The following ALDH1L2 variants were observed in gnomAD, a reference collection of about 807,000 sequenced individuals.
The protein encoded by ALDH1L2 is mitochondrial 10-formyltetrahydrofolate dehydrogenase.
A neutral mutation model predicts 111.0 loss-of-function variants in ALDH1L2; 91 were observed. That is an observed-to-expected ratio of 0.82 (90% CI 0.69 to 0.98). The LOEUF is 0.98. Among genes scored for constraint, ALDH1L2 ranks in the 50% least tolerant of loss-of-function variants. The probability of loss-of-function intolerance (pLI) is 0.00; values close to 1 mark genes in which losing one functional copy is unlikely to be tolerated. For missense variants in ALDH1L2, 995 were observed against 1,126.8 expected (o/e 0.88, Z 1.67); for synonymous variants, 374 against 392.6 (o/e 0.95, Z 0.56).
At chr12:105,067,215 CAA>C (rs11334156) in intron 4 of ALDH1L2, among the ~76,000 whole-genome samples, 7,526 of 97,570 alleles carry the variant, frequency 0.077, 236 homozygotes, top group South Asian at 0.1. Flanking sequence ...GACTCTGTCT[CAA>C]AAAAAAAAAA....
chr12:105,049,762 G>T, intron 13 of ALDH1L2, 146 bp downstream of exon 13: 2 of 879,922 alleles, frequency 2.3e-6, no homozygotes, highest in African/African-American at 1.7e-5. Flanking sequence ...CAGGTATTCT[G>T]TTACAGCAGC....
At chr12:105,030,592 T>A (rs1224446996) in intron 20 of ALDH1L2, among the ~76,000 whole-genome samples, 163 bp from the exon 21 acceptor site, 2 of 152,236 alleles carry the variant, frequency 1.3e-5, no homozygotes, top group Admixed American at 6.5e-5. Flanking sequence ...CAGGTTCTTA[T>A]TTTTTAATGT....
intron 11 of ALDH1L2, 67 bp downstream of exon 11, chr12:105,052,745 T>C (rs1876365692): frequency 1.3e-6 from 2 of 1,592,986 alleles, no homozygotes; most frequent in Non-Finnish European, 1.7e-6. Context: ...GACTGCCTCT[T>C]TTACAATGGT....
At chr12:105,057,058 T>C (rs1227057253) in intron 10 of ALDH1L2, among the ~76,000 whole-genome samples, 1 of 150,928 alleles carries the variant, frequency 6.6e-6, no homozygotes, top group African/African-American at 2.4e-5. Context: ...CGCTTAAGAC[T>C]CAGCAATAAA....
chr12:105,052,168 A>G lies in ALDH1L2; in HGVS notation c.1457T>C (p.Val486Ala). The change falls in exon 12 of 23, where the codon GTA becomes GCA. Residue 486 changes from valine (V) to alanine (A), a missense_variant. By Grantham distance (64) the Val-to-Ala change is moderately conservative. Coordinates refer to ENST00000258494, the MANE Select transcript of ALDH1L2 (RefSeq NM_001034173.4). Reference protein sequence around the residue: ...YASLADVDKAVAAAKDAFENG... With the variant: ...YASLADVDKAAAAAKDAFENG... ...TTCAAAAGCATCTTTTGCTGCTGCT[A>G]CTGCTTTATCAACATCCGCCAAAGA... The G allele has an allele frequency of 6.2e-7, 1 of 1,611,920 alleles. No homozygotes were observed. The highest frequency in any genetic ancestry group is 8.5e-7 in the Non-Finnish European group (1 of 1,178,816).
intron 6 of ALDH1L2, among the ~76,000 whole-genome samples, chr12:105,063,242 A>G (rs904837634): frequency 3.3e-5 from 5 of 152,174 alleles, no homozygotes; most frequent in Non-Finnish European, 7.4e-5. Flanking sequence ...TTTGGGAGGC[A>G]GAGGCAGGCA....
intron 1 of ALDH1L2, 121 bp downstream of exon 1, chr12:105,084,268 G>T: frequency 1.8e-6 from 2 of 1,132,598 alleles, no homozygotes; most frequent in Non-Finnish European, 2.4e-6. Flanking sequence ...CGCTGTCTTG[G>T]TGTTTAGCAA....
Position 105,065,325 on chromosome 12 carries a change from T to C in ALDH1L2, c.728A>G (p.His243Arg), listed in dbSNP as rs1877285109. 1.9e-6 allele frequency: 3 copies of C among 1,611,358 alleles called. No individual in the cohort carries two copies. The highest frequency in any genetic ancestry group is 2.5e-6 in the Non-Finnish European group (3 of 1,178,110). Residue 243 changes from histidine to arginine, a missense_variant, in exon 6 of 23, where the codon CAT becomes CGT. Transcript: ENST00000258494. Reference sequence around the variant, plus strand: ...TTTATCATGACCTCGAATCCAGTTATGTAAAACTTCGGCAGACTGGTCCCA... The same window carrying C: ...TTTATCATGACCTCGAATCCAGTTACGTAAAACTTCGGCAGACTGGTCCCA... Reference protein sequence around the residue: ...ISWDQSAEVLHNWIRGHDKVP... With the variant: ...ISWDQSAEVLRNWIRGHDKVP...
chr12:105,083,298 C>T (rs374710303), intron 1 of ALDH1L2, among the ~76,000 whole-genome samples: 1 of 152,094 alleles, frequency 6.6e-6, no homozygotes, highest in Non-Finnish European at 1.5e-5. Flanking sequence ...GGAGAGCAGG[C>T]CAAAGTCCTA....
intron 7 of ALDH1L2, 121 bp from the exon 8 acceptor site, chr12:105,061,873 A>T (rs6539183): frequency 8.4e-7 from 1 of 1,187,126 alleles, no homozygotes; most frequent in Non-Finnish European, 1.2e-6. Context: ...GGAAAAATAC[A>T]GATTAAAAGC....
intron 2 of ALDH1L2, among the ~76,000 whole-genome samples, chr12:105,072,171 TG>T (rs1411377241): frequency 6.1e-5 from 9 of 147,972 alleles, no homozygotes; most frequent in African/African-American, 1.7e-4. Flanking sequence ...ATAGAAATTA[TG>T]ATATCTATTA....
At chr12:105,063,240 G>A (rs1485168702) in intron 6 of ALDH1L2, among the ~76,000 whole-genome samples, 1 of 152,192 alleles carries the variant, frequency 6.6e-6, no homozygotes, top group East Asian at 1.9e-4. Context: ...ACTTTGGGAG[G>A]CAGAGGCAGG....
In ALDH1L2 at chr12:105,019,953, G is replaced by C. The variant is rs547630723; in HGVS notation, c.*4471C>G. 2.6e-5 allele frequency: 4 copies of C among 152,250 alleles called. No individual in the cohort carries two copies. The highest frequency in any genetic ancestry group is 9.6e-5 in the African/African-American group (4 of 41,552). 9.4% of individuals were successfully genotyped at this position (152,250 alleles called of 1,614,324 possible). Reference sequence around the variant, plus strand: ...CAGATATCATCTGTAGGCTATTTCTGTTTGAAAATAACCAAATAGATTTTT... The same window carrying C: ...CAGATATCATCTGTAGGCTATTTCTCTTTGAAAATAACCAAATAGATTTTT... On this transcript the variant is annotated 3_prime_UTR_variant, in exon 23 of 23. Coordinates refer to ENST00000258494, the MANE Select transcript of ALDH1L2 (RefSeq NM_001034173.4).
chr12:105,051,364 C>G (rs566474664), intron 12 of ALDH1L2, among the ~76,000 whole-genome samples: 1 of 152,176 alleles, frequency 6.6e-6, no homozygotes, highest in Non-Finnish European at 1.5e-5. Flanking sequence ...CCCTGGCTCC[C>G]TCGCTGATAG....
intron 6 of ALDH1L2, among the ~76,000 whole-genome samples, chr12:105,063,684 G>A (rs371338241): frequency 6.6e-6 from 1 of 152,020 alleles, no homozygotes; most frequent in Admixed American, 6.5e-5. Flanking sequence ...GGAGGTGTTG[G>A]GGGTGGGCGT....
intron 3 of ALDH1L2, among the ~76,000 whole-genome samples, chr12:105,070,321 T>C (rs1877605269): frequency 6.6e-6 from 1 of 152,158 alleles, no homozygotes; most frequent in African/African-American, 2.4e-5. Flanking sequence ...ACCTCACAAC[T>C]GTTCAAGCAT....
intron 1 of ALDH1L2, among the ~76,000 whole-genome samples, chr12:105,083,527 G>A (rs182216838): frequency 2.0e-5 from 3 of 152,160 alleles, no homozygotes; most frequent in Non-Finnish European, 1.5e-5. Context: ...ATATACATAT[G>A]TACATATGGC....
chr12:105,047,070 C>T, intron 13 of ALDH1L2, 101 bp from the exon 14 acceptor site: 1 of 1,333,128 alleles, frequency 7.5e-7, no homozygotes, highest in Non-Finnish European at 1.1e-6. Flanking sequence ...TTTTTGTTAG[C>T]TGATATGAAA....
At chr12:105,078,188 A>T (rs1878163496) in intron 1 of ALDH1L2, among the ~76,000 whole-genome samples, 1 of 152,218 alleles carries the variant, frequency 6.6e-6, no homozygotes, top group African/African-American at 2.4e-5. Flanking sequence ...CAGAAGGCAC[A>T]ACTTCTAACT....
Sources: gnomAD v4.1 joint callset for allele counts (sites outside exome capture counted in the v4.1 genomes callset) on GRCh38, gnomAD v4.1.1 for gene constraint, MANE v1.5 for transcripts, NCBI Gene and HGNC (gene_info 2026-07-23, HGNC 2026-07-21) for gene names.